Variants in INPP1 observed in about 807,000 individuals in gnomAD.
INPP1 encodes inositol polyphosphate 1-phosphatase.
INPP1 carries 18 observed loss-of-function variants against 23.0 expected under a neutral mutation model. That is an observed-to-expected ratio of 0.78 (90% CI 0.54 to 1.16). INPP1 has a LOEUF of 1.16. Ranked by LOEUF, INPP1 falls within the 50% of genes most tolerant of loss-of-function variation. The probability of loss-of-function intolerance (pLI) is 0.00; values close to 1 mark genes in which losing one functional copy is unlikely to be tolerated. For missense variants in INPP1, 448 were observed against 482.1 expected, an observed-to-expected ratio of 0.93 and a Z score of 0.66; for synonymous variants, 164 against 176.3, an observed-to-expected ratio of 0.93 and a Z score of 0.55.
chr2:190,360,027 G>T lies in INPP1; in HGVS notation c.-64-12G>T, dbSNP rs116442850. ...GAACTGCTTTCTCTTTCACATTCTT[G>T]TATTTTTCCAGCTGACGGCCCAGAG... On this transcript the variant is annotated splice_polypyrimidine_tract_variant and intron_variant, in intron 2 of 6. Transcript: ENST00000392329. 2,151 of 1,451,598 alleles carry T rather than the reference G, an allele frequency of 1.5e-3. 24 individuals are homozygous for T. The African/African-American group carries it at 0.022, about 15-fold the overall frequency. The allele number at this position is 1,451,598 out of a possible 1,614,324, so 89.9% of individuals were successfully genotyped here. A position where few individuals can be genotyped will look rare whatever the true frequency, so the allele number is the denominator to read the frequency against.
chr2:190,364,500 C>G (rs914539585), intron 4 of INPP1, among the ~76,000 whole-genome samples: 2 of 150,604 alleles, frequency 1.3e-5, no homozygotes, highest in Non-Finnish European at 2.9e-5. Flanking sequence ...GGAGATCGCA[C>G]CACTGCACTC....
In INPP1 at chr2:190,371,246, G is replaced by T; in HGVS notation, c.1044G>T (p.Leu348Phe). 6.2e-7 allele frequency: 1 copy of T among 1,613,126 alleles called. No individual in the cohort carries two copies. ...GAAATCCAGAAACAGGGCTTGATTTGCCACAGTTGGTGTACCACGTGGAAA... is the reference window on the plus strand; with the variant it reads ...GAAATCCAGAAACAGGGCTTGATTTTCCACAGTTGGTGTACCACGTGGAAA... ...LERNPETGLDLPQLVYHVENE... is the reference protein window; with the variant it reads ...LERNPETGLDFPQLVYHVENE... Residue 348 changes from leucine (L) to phenylalanine (F), a missense_variant, in exon 7 of 7, where the codon TTG (leucine) becomes TTT (phenylalanine). Physicochemically the swap from Leu to Phe is conservative, Grantham distance 22. Coordinates refer to ENST00000392329, the MANE Select transcript of INPP1 (RefSeq NM_001128928.2). The surrounding 1 kb of genome is among the most constrained non-coding windows in gnomAD (Gnocchi z 5.3).
chr2:190,371,049 C>A lies in INPP1; in HGVS notation c.847C>A (p.Arg283Ser), dbSNP rs577408029. 1 of 1,614,004 alleles carries A rather than the reference C, an allele frequency of 6.2e-7. No individual in the cohort carries two copies. The highest frequency in any genetic ancestry group is 8.5e-7 in the Non-Finnish European group (1 of 1,180,028). Reference protein sequence around the residue: ...KAALSRVCGDRIFGAAGAGYK... With the variant: ...KAALSRVCGDSIFGAAGAGYK... ...TGCATTGTCACGTGTGTGTGGAGAT[C>A]GCATATTTGGGGCAGCTGGGGCTGG... Residue 283 changes from arginine (R) to serine (S), a missense_variant, in exon 7 of 7, where the codon CGC becomes AGC. Arg to Ser is a moderately radical substitution (Grantham distance 110, BLOSUM62 -1). Coordinates refer to ENST00000392329, the MANE Select transcript of INPP1 (RefSeq NM_001128928.2). This position sits in a 1 kb window ranked among gnomAD's most constrained non-coding sequence, Gnocchi z 5.3.
In INPP1 at chr2:190,360,163, G is replaced by A; in HGVS notation, c.61G>A (p.Ala21Thr). Residue 21 changes from alanine (A) to threonine (T), a missense_variant, in exon 3 of 7, where the codon GCG becomes ACG. By Grantham distance (58) the Ala-to-Thr change is moderately conservative. Transcript: ENST00000392329. ...TGAGAAGGCTGCTAACATTGCCCGG[G>A]CGTGCAGACAGCAGGAAGCCCTCTT... Reference protein sequence around the residue: ...VSEKAANIARACRQQEALFQL... With the variant: ...VSEKAANIARTCRQQEALFQL... The A allele has an allele frequency of 6.2e-7, 1 of 1,614,122 alleles. No homozygotes were observed. Among genetic ancestry groups the A allele is most frequent in the Non-Finnish European group, 8.5e-7 (1 of 1,180,038 alleles).
Position 190,347,407 on chromosome 2 carries a change from A to T in INPP1, c.-208-1481A>T, listed in dbSNP as rs959969460. Among the ~76,000 whole-genome samples, 3 of 152,306 alleles carry T rather than the reference A, an allele frequency of 2.0e-5. No homozygotes were observed. The East Asian group carries it at 5.8e-4, about 29-fold the overall frequency. ...AAAACTTGGTCAGTTATATATAAAA[A>T]AATTAAAGAAATAGAATATTAAATA... On this transcript the variant is annotated intron_variant, in intron 1 of 6. Transcript: ENST00000392329.
At chr2:190,357,849 A>G (rs1329981429) in intron 2 of INPP1, among the ~76,000 whole-genome samples, 1 of 152,204 alleles carries the variant, frequency 6.6e-6, no homozygotes, top group African/African-American at 2.4e-5. Flanking sequence ...TAAAACATAT[A>G]CAATAGTCAA....
chr2:190,361,753 C>A (rs138833075), intron 3 of INPP1, among the ~76,000 whole-genome samples: 3,872 of 152,182 alleles, frequency 0.025, 60 homozygotes, highest in Non-Finnish European at 0.037. Context: ...GAGTTTCAGC[C>A]CTTGATGAAT....
At chr2:190,360,385 G>T in intron 3 of INPP1, 79 bp downstream of exon 3, 1 of 1,234,926 alleles carries the variant, frequency 8.1e-7, no homozygotes, top group Non-Finnish European at 1.2e-6. Flanking sequence ...CATGCCTTTT[G>T]CTCCTCACCC....
intron 2 of INPP1, among the ~76,000 whole-genome samples, chr2:190,358,498 G>A (rs149814291): frequency 7.9e-5 from 12 of 152,312 alleles, no homozygotes; most frequent in African/African-American, 2.2e-4. Flanking sequence ...GATTACAGGC[G>A]TGAGCCACCA....
chr2:190,350,933 C>T (rs1017829154), intron 2 of INPP1, among the ~76,000 whole-genome samples: 3 of 152,132 alleles, frequency 2.0e-5, no homozygotes, highest in Non-Finnish European at 4.4e-5. Flanking sequence ...CAGATACAGC[C>T]TTGGTTTGTT....
rs1689378768 is a variant in INPP1 at position 190,354,380 on chromosome 2, A to T, written c.-65+5349A>T. Among the ~76,000 whole-genome samples the T allele has an allele frequency of 7.1e-6, 1 of 141,064 alleles. No individual in the cohort carries two copies. Among genetic ancestry groups the T allele is most frequent in the Non-Finnish European group, 1.6e-5 (1 of 63,712 alleles). The allele number at this position is 141,064 out of a possible 152,430, so 92.5% of individuals were successfully genotyped here. On this transcript the variant is annotated intron_variant, in intron 2 of 6. Coordinates refer to ENST00000392329, the MANE Select transcript of INPP1 (RefSeq NM_001128928.2). This position sits in a 1 kb window ranked among gnomAD's most constrained non-coding sequence, Gnocchi z 4.8. ...GAGGTTTTAGGGGCTAAATTATGTT[A>T]CTTCAAAATTCACATGTTGAAGCCC...
At chr2:190,344,532 C>T (rs371882769) in intron 1 of INPP1, among the ~76,000 whole-genome samples, 1 of 152,154 alleles carries the variant, frequency 6.6e-6, no homozygotes, top group South Asian at 2.1e-4. Context: ...TCTTTACTTC[C>T]TTGCTGTTAA....
Position 190,371,342 on chromosome 2 carries a change from G to A in INPP1, c.1140G>A (p.Arg380=). ...GGLIAYRSRK[R]LETFLSLLVQ... ...TCATTGCATACAGATCCAGGAAGCG[G>A]CTGGAGACATTCCTGAGCCTCCTGG... The change falls in exon 7 of 7, where the codon CGG becomes CGA. Residue 380 remains arginine, a synonymous_variant. Transcript: ENST00000392329. This position sits in a 1 kb window ranked among gnomAD's most constrained non-coding sequence, Gnocchi z 5.3. 1 of 1,562,628 alleles carries A rather than the reference G, an allele frequency of 6.4e-7. No individual in the cohort carries two copies. Among genetic ancestry groups the A allele is most frequent in the Non-Finnish European group, 8.7e-7 (1 of 1,154,314 alleles).
chr2:190,364,142 C>G (rs1278181746), intron 4 of INPP1, among the ~76,000 whole-genome samples: 1 of 152,320 alleles, frequency 6.6e-6, no homozygotes, highest in East Asian at 1.9e-4. Flanking sequence ...GTTAATTTAA[C>G]TAAATTTGAC....
rs1251759277 is a variant in INPP1 at position 190,354,499 on chromosome 2, T to G, written c.-65+5468T>G. On this transcript the variant is annotated intron_variant, in intron 2 of 6. Transcript: ENST00000392329. The surrounding 1 kb of genome is among the most constrained non-coding windows in gnomAD (Gnocchi z 4.8). ...CAGGCGGATCCTTATCCAGTCTGAC[T>G]GGCGTCCTTGTAAGAAAAGGGAGAC... 2.6e-5 allele frequency among the ~76,000 whole-genome samples: 4 copies of G among 152,244 alleles called. No individual in the cohort carries two copies. The highest frequency in any genetic ancestry group is 5.9e-5 in the Non-Finnish European group (4 of 68,046).
intron 3 of INPP1, among the ~76,000 whole-genome samples, chr2:190,360,880 G>A (rs1191616043): frequency 1.3e-5 from 2 of 151,886 alleles, no homozygotes; most frequent in East Asian, 1.9e-4. Flanking sequence ...GAGACTTAAA[G>A]TCTCCTTTAT....
At chr2:190,359,983 C>A in intron 2 of INPP1, 56 bp from the exon 3 acceptor site, 1 of 958,564 alleles carries the variant, frequency 1.0e-6, no homozygotes, top group South Asian at 1.6e-5. Flanking sequence ...GTGCCAGAGG[C>A]ACCCTGACAT....
In INPP1 at chr2:190,350,496, C is replaced by T. The variant is rs192674221; in HGVS notation, c.-65+1465C>T. Among the ~76,000 whole-genome samples, 296 of 152,300 alleles carry T rather than the reference C, an allele frequency of 1.9e-3. 2 individuals carry two copies. Among genetic ancestry groups the T allele is most frequent in the African/African-American group, 6.1e-3 (253 of 41,562 alleles). On this transcript the variant is annotated intron_variant, in intron 2 of 6. Transcript: ENST00000392329. ...TTGATCTTAGCTGATTTGGAAAACACAGCTTTAGCACAGGCTTCCATATAC... is the reference window on the plus strand; with the variant it reads ...TTGATCTTAGCTGATTTGGAAAACATAGCTTTAGCACAGGCTTCCATATAC...
intron 3 of INPP1, among the ~76,000 whole-genome samples, chr2:190,361,291 G>T (rs140849838): frequency 2.0e-5 from 3 of 152,032 alleles, no homozygotes; most frequent in African/African-American, 7.2e-5. Context: ...CATTACATTT[G>T]GGAGAATAGA....
Sources: gnomAD v4.1 joint callset for allele counts (sites outside exome capture counted in the v4.1 genomes callset) on GRCh38, gnomAD v4.1.1 for gene constraint, Gnocchi (gnomAD v3.1) non-coding constraint, MANE v1.5 for transcripts, NCBI Gene and HGNC (gene_info 2026-07-23, HGNC 2026-07-21) for gene names.